The following AK8 variants were observed in gnomAD, a reference collection of about 807,000 sequenced individuals.
AK8 encodes the protein ATP-AMP transphosphorylase 8.
AK8 carries 44 observed loss-of-function variants against 54.6 expected under a neutral mutation model. The ratio of observed to expected loss-of-function variants is 0.81; its 90% confidence interval spans 0.63 to 1.04. The LOEUF (loss-of-function observed/expected upper bound fraction) is 1.04. Among genes scored for constraint, AK8 ranks in the 50% least tolerant of loss-of-function variants. The probability of loss-of-function intolerance (pLI) is 0.00; values close to 1 mark genes in which losing one functional copy is unlikely to be tolerated. For missense variants in AK8, 555 were observed against 613.6 expected, an observed-to-expected ratio of 0.90 and a Z score of 1.01; for synonymous variants, 239 against 245.6, an observed-to-expected ratio of 0.97 and a Z score of 0.25.
At chr9:132,846,996 T>C (rs1312414566) in intron 5 of AK8, among the ~76,000 whole-genome samples, 1 of 152,192 alleles carries the variant, frequency 6.6e-6, no homozygotes, top group Non-Finnish European at 1.5e-5. Context: ...CGGGCCGAGA[T>C]AGAGAGCTGG....
intron 11 of AK8, among the ~76,000 whole-genome samples, chr9:132,775,111 G>T (rs149462334): frequency 6.8e-6 from 1 of 147,874 alleles, no homozygotes; most frequent in East Asian, 1.9e-4. Context: ...ATGCTGTGCT[G>T]AGAGCAGGGG....
At chr9:132,783,517 C>G (rs1343882235) in intron 11 of AK8, among the ~76,000 whole-genome samples, 1 of 150,820 alleles carries the variant, frequency 6.6e-6, no homozygotes, top group Admixed American at 6.6e-5. Flanking sequence ...AGAATATATC[C>G]ATCTTGGGAC....
rs112075532 is a variant in AK8, at chr9:132,841,163, C to T, written c.403-12437G>A. Among the ~76,000 whole-genome samples the T allele has an allele frequency of 5.3e-5, 8 of 152,294 alleles. No individual in the cohort carries two copies. The East Asian group carries it at 5.8e-4, about 11-fold the overall frequency. ...TGCTGCCTGCCTGTGAATTACAGGG[C>T]GCTCTACATAGAAAAGCACTGCAGC... On this transcript the variant is annotated intron_variant, in intron 5 of 12. Coordinates refer to ENST00000298545, the MANE Select transcript of AK8 (RefSeq NM_152572.3).
At position 132,790,995 on chromosome 9, in the gene AK8, G is replaced by A. The variant is rs1839923239; in HGVS notation, c.1121+1639C>T. 6.6e-6 allele frequency among the ~76,000 whole-genome samples: 1 copy of A among 152,172 alleles called. No individual in the cohort carries two copies. The highest frequency in any genetic ancestry group is 2.1e-4 in the South Asian group (1 of 4,820). On this transcript the variant is annotated intron_variant, in intron 11 of 12. Coordinates refer to ENST00000298545, the MANE Select transcript of AK8 (RefSeq NM_152572.3). This position sits in a 1 kb window ranked among gnomAD's most constrained non-coding sequence, Gnocchi z 4.1. ...AATAAAAAATGCGAGACCCAAGGAA[G>A]TGTTGATATTTTCACTAGAAGCAAA...
chr9:132,739,937 A>G (rs895422939), intron 11 of AK8, among the ~76,000 whole-genome samples: 6 of 152,232 alleles, frequency 3.9e-5, no homozygotes, highest in African/African-American at 1.4e-4. Flanking sequence ...CAAAGTACGC[A>G]TTCTTGTTCT....
chr9:132,859,290 T>G (rs1406504955), intron 4 of AK8, among the ~76,000 whole-genome samples: 1 of 152,108 alleles, frequency 6.6e-6, no homozygotes, highest in Non-Finnish European at 1.5e-5. Context: ...GGTCTCACTC[T>G]GTCATCCAGG....
chr9:132,809,942 T>C (rs1417828133), intron 10 of AK8, among the ~76,000 whole-genome samples: 2 of 152,248 alleles, frequency 1.3e-5, no homozygotes, highest in Non-Finnish European at 2.9e-5. Context: ...AACCAAATTC[T>C]GTCAAGAATC....
Position 132,799,296 on chromosome 9 carries a change from C to A in AK8, c.980-6521G>T, listed in dbSNP as rs989463211. ...CTGGGGCTGGCATATAAAGATAGGA[C>A]AAAAAGTGGAGAGAAGGAAATAGCT... On this transcript the variant is annotated intron_variant, in intron 10 of 12. Transcript: ENST00000298545. This position sits in a 1 kb window ranked among gnomAD's most constrained non-coding sequence, Gnocchi z 5.0. 1.3e-5 allele frequency among the ~76,000 whole-genome samples: 2 copies of A among 152,074 alleles called. No homozygotes were observed. Among genetic ancestry groups the A allele is most frequent in the Non-Finnish European group, 2.9e-5 (2 of 68,014 alleles).
At chr9:132,741,686 G>A (rs1400101892) in intron 11 of AK8, among the ~76,000 whole-genome samples, 5 of 152,094 alleles carry the variant, frequency 3.3e-5, no homozygotes, top group African/African-American at 1.2e-4. Flanking sequence ...ATTCACCCCT[G>A]TAATGAGTCT....
intron 11 of AK8, among the ~76,000 whole-genome samples, chr9:132,729,626 G>C (rs796973891): frequency 6.6e-6 from 1 of 152,036 alleles, no homozygotes; most frequent in African/African-American, 2.4e-5. Flanking sequence ...GCTGTGTCTC[G>C]GACACAGCAG....
intron 11 of AK8, among the ~76,000 whole-genome samples, chr9:132,757,189 G>A (rs1414559702): frequency 6.6e-6 from 1 of 151,992 alleles, no homozygotes; most frequent in Non-Finnish European, 1.5e-5. Context: ...AGCTGCCACG[G>A]GGACCTGGTG....
intron 9 of AK8, among the ~76,000 whole-genome samples, chr9:132,818,403 A>T (rs1841427157): frequency 1.3e-5 from 2 of 152,242 alleles, no homozygotes; most frequent in Admixed American, 1.3e-4. Flanking sequence ...TAACATACGC[A>T]GAAGTAAAAT....
intron 11 of AK8, among the ~76,000 whole-genome samples, chr9:132,737,307 GAC>G (rs2130960640): frequency 6.6e-6 from 1 of 152,220 alleles, no homozygotes; most frequent in East Asian, 1.9e-4. Flanking sequence ...TGAACCATAT[GAC>G]AGTATTAATT....
At chr9:132,767,334 G>A (rs918465016) in intron 11 of AK8, among the ~76,000 whole-genome samples, 2 of 152,018 alleles carry the variant, frequency 1.3e-5, no homozygotes, top group Non-Finnish European at 2.9e-5. Flanking sequence ...ATATACGAAT[G>A]GCCAACAGGC....
chr9:132,761,750 C>G (rs1209774001), intron 11 of AK8, among the ~76,000 whole-genome samples: 5 of 151,722 alleles, frequency 3.3e-5, no homozygotes, highest in Admixed American at 3.3e-4. Flanking sequence ...TCAAATATGT[C>G]AATCTGTTCT....
At chr9:132,726,609 A>G (rs1836587922) in intron 12 of AK8, among the ~76,000 whole-genome samples, 1 of 152,148 alleles carries the variant, frequency 6.6e-6, no homozygotes, top group Non-Finnish European at 1.5e-5. Context: ...GTTTATCTGC[A>G]CTGAGTCCTG....
chr9:132,731,785 A>G (rs1199276219), intron 11 of AK8, among the ~76,000 whole-genome samples: 1 of 152,166 alleles, frequency 6.6e-6, no homozygotes, highest in Non-Finnish European at 1.5e-5. Flanking sequence ...TCCTGTCAAA[A>G]GACTCAGGTT....
intron 11 of AK8, among the ~76,000 whole-genome samples, chr9:132,768,557 G>T (rs1404930202): frequency 6.6e-6 from 1 of 152,138 alleles, no homozygotes; most frequent in African/African-American, 2.4e-5. Flanking sequence ...GTGAGCCACC[G>T]TGCCGGCCAA....
chr9:132,855,269 A>G (rs917059108), intron 4 of AK8, among the ~76,000 whole-genome samples: 5 of 152,120 alleles, frequency 3.3e-5, no homozygotes, highest in African/African-American at 1.2e-4. Context: ...GGCTGGTGCT[A>G]CTTCCCGTGC....
Sources: gnomAD v4.1 joint callset for allele counts (sites outside exome capture counted in the v4.1 genomes callset) on GRCh38, gnomAD v4.1.1 for gene constraint, Gnocchi (gnomAD v3.1) non-coding constraint, MANE v1.5 for transcripts, NCBI Gene and HGNC (gene_info 2026-07-23, HGNC 2026-07-21) for gene names.